The following UGT1A8 variants were observed in gnomAD, a reference collection of about 807,000 sequenced individuals.
The protein encoded by UGT1A8 is UDP-glucuronosyltransferase 1A8.
In UGT1A8, 39 loss-of-function variants were observed where a neutral mutation model predicts 45.3. That is an observed-to-expected ratio of 0.86 (90% CI 0.67 to 1.12). UGT1A8 has a LOEUF of 1.12. Among genes scored for constraint, UGT1A8 ranks in the 50% most tolerant of loss-of-function variants. The pLI, the probability that UGT1A8 is intolerant of heterozygous loss-of-function variation, is 0.00. For missense variants in UGT1A8, 719 were observed against 664.9 expected (o/e 1.08, Z -0.90); for synonymous variants, 275 against 249.2 (o/e 1.10, Z -0.97).
rs566468987 is a variant in UGT1A8, at chr2:233,735,438, T to C, written c.856-31596T>C. ...TGAGATAGGCCTCCTGAATACAGCA[T>C]ACCGATGGGCCTTGACTCTTTATCC... On this transcript the variant is annotated intron_variant, in intron 1 of 4. Transcript: ENST00000373450. Among the ~76,000 whole-genome samples, 10 of 152,290 alleles carry C rather than the reference T, an allele frequency of 6.6e-5. No homozygotes were observed. The East Asian group carries it at 7.7e-4, about 12-fold the overall frequency.
chr2:233,636,632 A>G (rs2073297814), intron 1 of UGT1A8: 8 of 1,614,000 alleles, frequency 5.0e-6, no homozygotes, highest in Non-Finnish European at 6.8e-6. Context: ...GATGGGAGTC[A>G]CTGGTTCACC....
chr2:233,729,557 C>G lies in UGT1A8; in HGVS notation c.856-37477C>G, dbSNP rs13406898. 29 of 1,614,152 alleles carry G rather than the reference C, an allele frequency of 1.8e-5. No individual in the cohort carries two copies. The South Asian group carries it at 3.0e-4, about 16-fold the overall frequency. On this transcript the variant is annotated intron_variant, in intron 1 of 4. Transcript: ENST00000373450. ...GCCCTGATCAGGCACCTGAATGCTA[C>G]TTCCTTTGATGTGGTTTTAACAGAC...
chr2:233,657,189 C>T (rs2073874504), intron 1 of UGT1A8, among the ~76,000 whole-genome samples: 2 of 152,228 alleles, frequency 1.3e-5, no homozygotes, highest in South Asian at 4.1e-4. Flanking sequence ...CCCCCATCAT[C>T]TCACCTTTCC....
At chr2:233,720,001 A>G (rs904856) in intron 1 of UGT1A8, among the ~76,000 whole-genome samples, 12,162 of 152,212 alleles carry the variant, frequency 0.08, 620 homozygotes, top group East Asian at 0.2. Context: ...CACTACATTC[A>G]GAACTGATCC....
chr2:233,690,121 G>A (rs1008898157), intron 1 of UGT1A8, among the ~76,000 whole-genome samples: 5 of 152,190 alleles, frequency 3.3e-5, no homozygotes, highest in Admixed American at 2.0e-4. Flanking sequence ...ATATGTCTTT[G>A]TAACTTGGTG....
In UGT1A8 at chr2:233,761,002, CAG is replaced by C. The variant is rs797046091; in HGVS notation, c.856-6025_856-6024del. On this transcript the variant is annotated intron_variant, in intron 1 of 4. Coordinates refer to ENST00000373450, the MANE Select transcript of UGT1A8 (RefSeq NM_019076.5). The stretch of plus-strand genomic sequence containing the variant: ...TGCAACCCTTGCCTCAGAATTCCTT[CAG>C]AGAGAGGTGACTGTCCAGGACCTAT... The C allele has an allele frequency of 1.5e-5, 25 of 1,614,060 alleles. No individual in the cohort carries two copies. Among genetic ancestry groups the C allele is most frequent in the Non-Finnish European group, 2.0e-5 (24 of 1,180,054 alleles).
Position 233,730,113 on chromosome 2 carries a change from C to G in UGT1A8, c.856-36921C>G. 5 of 1,563,498 alleles carry G rather than the reference C, an allele frequency of 3.2e-6. No individual in the cohort carries two copies. The South Asian group carries it at 5.9e-5, about 18-fold the overall frequency. ...TTCCAAATATTTCATTTCTGCTTCT[C>G]CTTGTCATAATAGCCTTCAGTGAGA... is the stretch of plus-strand genomic sequence containing the variant. On this transcript the variant is annotated intron_variant, in intron 1 of 4. Coordinates refer to ENST00000373450, the MANE Select transcript of UGT1A8 (RefSeq NM_019076.5).
chr2:233,632,920 G>A (rs1033983362), intron 1 of UGT1A8, among the ~76,000 whole-genome samples: 10 of 152,178 alleles, frequency 6.6e-5, no homozygotes, highest in African/African-American at 2.4e-4. Context: ...AGTTTTCAAA[G>A]GGAATGCTTC....
At chr2:233,719,559 G>A (rs2076780639) in intron 1 of UGT1A8, 2 of 1,613,878 alleles carry the variant, frequency 1.2e-6, no homozygotes, top group Non-Finnish European at 1.7e-6. Flanking sequence ...GTCAGTGGTG[G>A]ATCTTGTCAG....
At chr2:233,660,957 A>G (rs2073950633) in intron 1 of UGT1A8, among the ~76,000 whole-genome samples, 1 of 151,964 alleles carries the variant, frequency 6.6e-6, no homozygotes, top group Non-Finnish European at 1.5e-5. Context: ...CTCCAGCTTT[A>G]TATCCTTCAG....
intron 1 of UGT1A8, among the ~76,000 whole-genome samples, chr2:233,646,957 T>C (rs2073622054): frequency 6.6e-6 from 1 of 152,144 alleles, no homozygotes; most frequent in South Asian, 2.1e-4. Context: ...GACTAAGGAA[T>C]TTACAAAAGA....
chr2:233,724,396 T>C (rs2077250917), intron 1 of UGT1A8, among the ~76,000 whole-genome samples: 1 of 143,176 alleles, frequency 7.0e-6, no homozygotes, highest in African/African-American at 2.6e-5. Flanking sequence ...GCTCCTCACT[T>C]CCCAGATGGG....
In UGT1A8 at chr2:233,747,728, T is replaced by C. The variant is rs1488461574; in HGVS notation, c.856-19306T>C. 2.5e-6 allele frequency: 4 copies of C among 1,613,386 alleles called. No homozygotes were observed. In the African/African-American group the frequency reaches 4.0e-5, roughly 16 times the overall value. Reference sequence around the variant, plus strand: ...ACCTATCAATTCCTGCTGTGTTTTTTTTGAGGAACATTCCATGTGATTTAG... The same window carrying C: ...ACCTATCAATTCCTGCTGTGTTTTTCTTGAGGAACATTCCATGTGATTTAG... On this transcript the variant is annotated intron_variant, in intron 1 of 4. Coordinates refer to ENST00000373450, the MANE Select transcript of UGT1A8 (RefSeq NM_019076.5).
intron 1 of UGT1A8, among the ~76,000 whole-genome samples, chr2:233,745,269 G>A (rs528500230): frequency 2.6e-5 from 4 of 151,940 alleles, no homozygotes; most frequent in Admixed American, 2.6e-4. Context: ...CTTGCAGGCC[G>A]TGTGTATAGC....
At chr2:233,621,462 C>A (rs1044965657) in intron 1 of UGT1A8, among the ~76,000 whole-genome samples, 2 of 152,168 alleles carry the variant, frequency 1.3e-5, no homozygotes, top group African/African-American at 4.8e-5. Flanking sequence ...AAGATCTGTG[C>A]TTCCCCCATT....
chr2:233,630,553 G>A (rs934898495), intron 1 of UGT1A8, among the ~76,000 whole-genome samples: 3 of 152,056 alleles, frequency 2.0e-5, no homozygotes, highest in Non-Finnish European at 2.9e-5. Context: ...AAGAAAAGAG[G>A]TTTAATTGGC....
chr2:233,687,857 A>G (rs947298968), intron 1 of UGT1A8, among the ~76,000 whole-genome samples: 4 of 152,194 alleles, frequency 2.6e-5, no homozygotes, highest in African/African-American at 9.6e-5. Flanking sequence ...GCAGTAAGCC[A>G]TGACTATTCC....
intron 1 of UGT1A8, among the ~76,000 whole-genome samples, chr2:233,710,407 T>G (rs143150461): frequency 6.6e-6 from 1 of 152,346 alleles, no homozygotes; most frequent in Admixed American, 6.5e-5. Context: ...CTGGCTGCTC[T>G]GTATTTGTGC....
In UGT1A8 at chr2:233,768,295, C is replaced by G; in HGVS notation, c.1151C>G (p.Pro384Arg). The part of the protein sequence containing the change: ...GVYESICNGV[P>R]MVMMPLFGDQ... ...TATGAAAGCATATGCAATGGCGTTC[C>G]CATGGTGATGATGCCCTTGTTTGGT... The change falls in exon 4 of 5, where the codon CCC (proline) becomes CGC (arginine). Residue 384 changes from proline (P) to arginine (R), a missense_variant. Physicochemically the swap from Pro to Arg is moderately radical, Grantham distance 103 (BLOSUM62 -2). Transcript: ENST00000373450. 6.2e-7 allele frequency: 1 copy of G among 1,614,158 alleles called. No individual in the cohort carries two copies. Among genetic ancestry groups the G allele is most frequent in the Admixed American group, 1.7e-5 (1 of 60,024 alleles).
Sources: allele counts gnomAD v4.1 joint callset (sites outside exome capture counted in the v4.1 genomes callset), GRCh38; gene constraint gnomAD v4.1.1; transcripts MANE v1.5; gene names NCBI Gene and HGNC (gene_info 2026-07-23, HGNC 2026-07-21).